LILRB3: variants seen among roughly 807,000 people sequenced by gnomAD.
The protein encoded by LILRB3 is leukocyte immunoglobulin like receptor B3.
A neutral mutation model predicts 68.2 loss-of-function variants in LILRB3; 32 were observed. That is an observed-to-expected ratio of 0.47 (90% CI 0.35 to 0.63). The LOEUF is 0.63. Ranked by LOEUF, LILRB3 falls within the 30% of genes least tolerant of loss-of-function variation. LILRB3 has a pLI of 0.00. For synonymous variants in LILRB3, 185 were observed against 323.1 expected (o/e 0.57, Z 4.58); for missense variants, 502 against 791.3 (o/e 0.63, Z 4.39).
At chr19:54,216,646 G>A (rs1485999512) in exon 13 of LILRB3, 9 of 1,019,080 alleles carry the variant, frequency 8.8e-6, no homozygotes, top group South Asian at 3.9e-5. Flanking sequence ...TCATAAGTTC[G>A]ATGTATAATA....
chr19:54,222,916 C>G, intron 1 of LILRB3, 27 bp downstream of exon 1: 3 of 1,612,596 alleles, frequency 1.9e-6, no homozygotes, highest in South Asian at 1.1e-5. Flanking sequence ...AGACTCGGAT[C>G]TCCCCCTCCC....
exon 13 of LILRB3, chr19:54,217,033 C>T (rs984096177): frequency 3.7e-6 from 6 of 1,613,370 alleles, no homozygotes; most frequent in Middle Eastern, 1.6e-4. Flanking sequence ...GGGCAGCTCC[C>T]GTGCCTTCAG....
In LILRB3 at chr19:54,217,957, C is replaced by G. The variant is rs935454066; in HGVS notation, c.1593+404G>C. Among the ~76,000 whole-genome samples the G allele has an allele frequency of 8.7e-5, 13 of 149,428 alleles. No homozygotes were observed. The East Asian group carries it at 2.5e-3, about 29-fold the overall frequency. Reference sequence around the variant, plus strand: ...TTTGTCTCCCACCGTGAGGTGAGCTCAGGAGGCGGGGGCGGCTTTGCTCCC... The same window carrying G: ...TTTGTCTCCCACCGTGAGGTGAGCTGAGGAGGCGGGGGCGGCTTTGCTCCC... On this transcript the variant is annotated intron_variant, in intron 11 of 12. Coordinates refer to ENST00000445347, the Ensembl canonical transcript of LILRB3.
At chr19:54,219,548 G>T (rs766087924) in intron 7 of LILRB3, 57 of 1,550,236 alleles carry the variant, frequency 3.7e-5, no homozygotes, top group Non-Finnish European at 5.0e-5. Context: ...GAGCCTGACC[G>T]TCCTGAACCA....
intron 11 of LILRB3, chr19:54,217,696 C>G: frequency 1.2e-6 from 1 of 843,938 alleles, no homozygotes; most frequent in East Asian, 2.7e-5. Context: ...ACAGGCCTTC[C>G]TGCAAGAGCT....
intron 11 of LILRB3, among the ~76,000 whole-genome samples, chr19:54,217,937 C>T (rs1192774455): frequency 6.6e-6 from 1 of 150,986 alleles, no homozygotes; most frequent in African/African-American, 2.5e-5. Context: ...TGCATTTTGT[C>T]TCCCACCGTG....
At chr19:54,221,663 G>A in intron 4 of LILRB3, 165 bp downstream of exon 4, 1 of 1,588,630 alleles carries the variant, frequency 6.3e-7, no homozygotes, top group Non-Finnish European at 8.5e-7. Flanking sequence ...GTGGTCAAGG[G>A]CTCCTCCTCC....
In LILRB3 at chr19:54,222,344, G is replaced by A. The variant is rs775095389; in HGVS notation, c.289C>T (p.Arg97Cys). Residue 97 changes from arginine (R) to cysteine (C), a missense_variant, in exon 3 of 13, where the codon CGC becomes TGC. Arg to Cys is a radical substitution (Grantham distance 180). Coordinates refer to ENST00000445347, the Ensembl canonical transcript of LILRB3. The stretch of plus-strand genomic sequence containing the variant: ...CCTGCAGAGCTGTAATAGTGGCAGC[G>A]GTATCTCCCTGCATGGTGCTGTGTC... The A allele has an allele frequency of 5.9e-5, 95 of 1,599,996 alleles. 1 individual carries two copies. Among genetic ancestry groups the A allele is most frequent in the Admixed American group, 2.0e-4 (12 of 59,550 alleles).
exon 13 of LILRB3, chr19:54,216,689 G>GTT (rs72464903): frequency 5.1e-4 from 424 of 831,466 alleles, no homozygotes; most frequent in Middle Eastern, 1.2e-3. Context: ...AACATTCACT[G>GTT]TTTTTTTTTT....
At chr19:54,216,601 C>T (rs1301484749) in exon 13 of LILRB3, 11 of 1,009,096 alleles carry the variant, frequency 1.1e-5, no homozygotes, top group East Asian at 9.4e-5. Flanking sequence ...TGAGCCACCG[C>T]GCCCGGCCTA....
intron 11 of LILRB3, among the ~76,000 whole-genome samples, chr19:54,217,938 T>C (rs181032311): frequency 0.13 from 19,576 of 146,096 alleles, 1,490 homozygotes; most frequent in African/African-American, 0.23. Context: ...GCATTTTGTC[T>C]CCCACCGTGA....
chr19:54,219,557 C>T (rs1258513757), intron 7 of LILRB3: 2 of 1,550,160 alleles, frequency 1.3e-6, no homozygotes, highest in Non-Finnish European at 8.7e-7. Context: ...CGTCCTGAAC[C>T]ACGGCCCTGC....
Position 54,222,789 on chromosome 19 carries a change from G to A in LILRB3, c.35-7C>T. ...CTGGGGCCCAGACTCAGCCCTGGAAGAGAGTTCCCTGTGAGGCATTTGCCC... is the reference window on the plus strand; with the variant it reads ...CTGGGGCCCAGACTCAGCCCTGGAAAAGAGTTCCCTGTGAGGCATTTGCCC... On this transcript the variant is annotated splice_polypyrimidine_tract_variant and splice_region_variant and intron_variant, in intron 1 of 12. Coordinates refer to ENST00000445347, the Ensembl canonical transcript of LILRB3. 1 of 1,612,600 alleles carries A rather than the reference G, an allele frequency of 6.2e-7. No individual in the cohort carries two copies.
intron 11 of LILRB3, among the ~76,000 whole-genome samples, chr19:54,218,004 G>A (rs1262453842): frequency 6.9e-6 from 1 of 145,794 alleles, no homozygotes; most frequent in Non-Finnish European, 1.5e-5. Context: ...CAGCTCCCAT[G>A]GGGAGCCCCA....
rs145192800 is a variant in LILRB3 at position 54,217,321 on chromosome 19, C to T, written c.1747G>A (p.Glu583Lys). ...GGCCTGGAGAGGAAAGGACTCACCT[C>T]AGTGTCCATCTGCCTGTCCTCTTCC... is the stretch of plus-strand genomic sequence containing the variant. The change falls in exon 12 of 13, where the codon GAG becomes AAG. Residue 583 changes from glutamate to lysine, a missense_variant and splice_region_variant. Physicochemically the swap from Glu to Lys is moderately conservative, Grantham distance 56. Transcript: ENST00000445347. The T allele has an allele frequency of 3.3e-5, 52 of 1,588,898 alleles. 3 individuals carry two copies. In the African/African-American group the frequency reaches 4.3e-4, roughly 13 times the overall value.
intron 11 of LILRB3, among the ~76,000 whole-genome samples, chr19:54,218,114 G>C (rs2077673971): frequency 6.6e-6 from 1 of 151,248 alleles, no homozygotes; most frequent in South Asian, 2.1e-4. Flanking sequence ...CTGAGGCCTG[G>C]GGAGAGCTCT....
At chr19:54,219,605 G>A in intron 7 of LILRB3, 2 of 1,540,860 alleles carry the variant, frequency 1.3e-6, no homozygotes, top group South Asian at 1.2e-5. Flanking sequence ...ACTGCTGCAG[G>A]TGGGACGGGA....
chr19:54,216,890 A>G (rs1412303566), exon 13 of LILRB3: 1 of 1,434,476 alleles, frequency 7.0e-7, no homozygotes, highest in African/African-American at 1.4e-5. Flanking sequence ...ATTGTTGAGA[A>G]GTCTGTTGCT....
At chr19:54,218,815 G>T (rs369201617) in exon 9 of LILRB3, 10 of 1,613,966 alleles carry the variant, frequency 6.2e-6, no homozygotes, top group Non-Finnish European at 7.6e-6. Context: ...CCTGCAGGAC[G>T]CTGGAAATCA....
Sources: gnomAD v4.1 joint callset for allele counts (sites outside exome capture counted in the v4.1 genomes callset) on GRCh38, gnomAD v4.1.1 for gene constraint, MANE v1.5 for transcripts, NCBI Gene and HGNC (gene_info 2026-07-23, HGNC 2026-07-21) for gene names.